CARS2: variants seen among roughly 807,000 people sequenced by gnomAD.
CARS2 encodes probable cysteine--tRNA ligase, mitochondrial.
Under a neutral mutation model 68.8 loss-of-function variants are expected in CARS2, and 52 were observed. The observed-to-expected ratio is 0.76, with a 90% CI of 0.61 to 0.95. CARS2 has a LOEUF of 0.95. Among genes scored for constraint, CARS2 ranks in the 40% least tolerant of loss-of-function variants. The pLI is 0.00. For missense variants in CARS2, 780 were observed against 754.2 expected (o/e 1.03, Z -0.40); for synonymous variants, 314 against 303.6 (o/e 1.03, Z -0.36).
At chr13:110,657,829 G>A (rs1436862766) in intron 9 of CARS2, among the ~76,000 whole-genome samples, 1 of 152,156 alleles carries the variant, frequency 6.6e-6, no homozygotes, top group Non-Finnish European at 1.5e-5. Context: ...AGAGGGATCT[G>A]GTAGTCATTC....
intron 3 of CARS2, among the ~76,000 whole-genome samples, chr13:110,699,199 T>C (rs1347008721): frequency 6.6e-6 from 1 of 152,158 alleles, no homozygotes; most frequent in Non-Finnish European, 1.5e-5. Context: ...TTCTATTCAT[T>C]ATAAATTACC....
intron 3 of CARS2, among the ~76,000 whole-genome samples, chr13:110,688,493 C>T (rs529774708): frequency 1.3e-5 from 2 of 152,080 alleles, no homozygotes; most frequent in Non-Finnish European, 2.9e-5. Flanking sequence ...ACAAAACATA[C>T]CAAGGATCCT....
rs916008700 is a variant in CARS2, at chr13:110,686,732, C to G, written c.571+989G>C. Among the ~76,000 whole-genome samples, 3 of 151,002 alleles carry G rather than the reference C, an allele frequency of 2.0e-5. No individual in the cohort carries two copies. The East Asian group carries it at 5.9e-4, about 29-fold the overall frequency. On this transcript the variant is annotated intron_variant, in intron 5 of 14. Transcript: ENST00000257347. The stretch of plus-strand genomic sequence containing the variant: ...ATACCAGGCCTGGCTGATTTTTTGT[C>G]ATCTTAGTAGAAAGAAGGTTTTAAC...
chr13:110,679,649 C>CAGGA (rs2063096123), intron 6 of CARS2, among the ~76,000 whole-genome samples: 2 of 19,322 alleles, frequency 1.0e-4, no homozygotes, highest in Non-Finnish European at 2.1e-4. Flanking sequence ...CCGGGCGTGA[C>CAGGA]CGGAGGGAGG....
At chr13:110,664,013 A>G in intron 8 of CARS2, 1 of 985,376 alleles carries the variant, frequency 1.0e-6, no homozygotes, top group Non-Finnish European at 1.2e-6. Flanking sequence ...AGTTGGTTTC[A>G]CAGACTTTGA....
At chr13:110,712,693 G>A (rs1314978189) in intron 1 of CARS2, 7 of 680,016 alleles carry the variant, frequency 1.0e-5, no homozygotes, top group Admixed American at 1.0e-4. Flanking sequence ...GGCCGACCGG[G>A]TGTCTGCATA....
chr13:110,702,080 T>C (rs1220951333), intron 2 of CARS2, among the ~76,000 whole-genome samples: 1 of 152,232 alleles, frequency 6.6e-6, no homozygotes, highest in Non-Finnish European at 1.5e-5. Context: ...TTCAGACTTG[T>C]AAAACTAAAA....
intron 11 of CARS2, 57 bp from the exon 12 acceptor site, chr13:110,646,147 C>T (rs1888088635): frequency 3.2e-6 from 5 of 1,559,958 alleles, no homozygotes; most frequent in South Asian, 2.4e-5. Context: ...CCCCAGGCGG[C>T]CCCCACACCA....
intron 13 of CARS2, chr13:110,644,165 C>T (rs778125176): frequency 3.7e-5 from 53 of 1,441,408 alleles, no homozygotes; most frequent in Admixed American, 2.7e-4. Context: ...TCTGGTTCTG[C>T]GCACGAGAGT....
intron 12 of CARS2, 127 bp downstream of exon 12, chr13:110,645,840 C>T: frequency 2.4e-6 from 3 of 1,250,030 alleles, no homozygotes; most frequent in Non-Finnish European, 3.3e-6. Context: ...CCATGAGTTC[C>T]TCCACAGAAG....
chr13:110,708,897 G>C (rs949507331), upstream of CARS2, among the ~76,000 whole-genome samples: 3 of 151,800 alleles, frequency 2.0e-5, no homozygotes, highest in African/African-American at 4.8e-5. Flanking sequence ...GGGATTACAG[G>C]TGCGTGCCAC....
At chr13:110,685,255 A>G (rs2063266314) in intron 5 of CARS2, among the ~76,000 whole-genome samples, 1 of 152,102 alleles carries the variant, frequency 6.6e-6, no homozygotes, top group Non-Finnish European at 1.5e-5. Flanking sequence ...GGTTGCTGTG[A>G]GCCAAGATTG....
chr13:110,713,360 A>G lies in CARS2; in HGVS notation n.176T>C, dbSNP rs949069814. ...TTAGGTCCTGGTCGGGTTTTCAGCG[A>G]AGCAGGCCGCTCCCCTGCGTTTCCC... On this transcript the variant is annotated non_coding_transcript_exon_variant, in exon 1 of 3. Coordinates refer to the CARS2 transcript ENST00000485188. 9.3e-6 allele frequency: 10 copies of G among 1,070,364 alleles called. No homozygotes were observed. In the Admixed American group the frequency reaches 5.2e-4, roughly 56 times the overall value. 66.3% of individuals were successfully genotyped at this position (1,070,364 alleles called of 1,614,324 possible).
intron 8 of CARS2, chr13:110,666,340 G>A (rs765359389): frequency 4.1e-6 from 4 of 985,366 alleles, no homozygotes; most frequent in Non-Finnish European, 4.8e-6. Context: ...CCAGGGAAAT[G>A]GTATGGGGTG....
chr13:110,673,879 A>G (rs1346321562), intron 7 of CARS2, among the ~76,000 whole-genome samples: 2 of 152,192 alleles, frequency 1.3e-5, no homozygotes, highest in Admixed American at 1.3e-4. Flanking sequence ...CAGGATACAA[A>G]ATCAATGTGC....
At chr13:110,681,741 G>A (rs1177024630) in intron 6 of CARS2, among the ~76,000 whole-genome samples, 4 of 152,218 alleles carry the variant, frequency 2.6e-5, no homozygotes, top group Admixed American at 6.5e-5. Flanking sequence ...GTGACTCAGT[G>A]TTAAAGAGAA....
intron 10 of CARS2, among the ~76,000 whole-genome samples, chr13:110,649,522 T>C (rs556708741): frequency 6.6e-6 from 1 of 152,198 alleles, no homozygotes; most frequent in East Asian, 1.9e-4. Context: ...GTGTGTGACA[T>C]AAAGTGTGCT....
chr13:110,662,192 CATG>C (rs2062520576), intron 9 of CARS2, among the ~76,000 whole-genome samples: 1 of 136,818 alleles, frequency 7.3e-6, no homozygotes, highest in African/African-American at 3.1e-5. Context: ...CATGCAACCC[CATG>C]GTCGGGTTCG....
At chr13:110,642,224 C>T (rs2139666276) in intron 14 of CARS2, 91 bp downstream of exon 14, 2 of 1,003,266 alleles carry the variant, frequency 2.0e-6, no homozygotes, top group Non-Finnish European at 3.0e-6. Flanking sequence ...AAAGCATGGT[C>T]ACGGGGGATG....
Sources: gnomAD v4.1 joint callset for allele counts (sites outside exome capture counted in the v4.1 genomes callset) on GRCh38, gnomAD v4.1.1 for gene constraint, MANE v1.5 for transcripts, NCBI Gene and HGNC (gene_info 2026-07-23, HGNC 2026-07-21) for gene names.